SIN3A: variants seen among roughly 807,000 people sequenced by gnomAD.
SIN3A encodes paired amphipathic helix protein Sin3a.
Under a neutral mutation model 146.1 loss-of-function variants are expected in SIN3A, and 14 were observed. The observed-to-expected ratio is 0.10, with a 90% CI of 0.06 to 0.15. The LOEUF is 0.15. SIN3A is among the 10% of genes least tolerant of loss of function. SIN3A has a pLI of 1.00. For synonymous variants in SIN3A, 572 were observed against 572.0 expected, an observed-to-expected ratio of 1.00 and a Z score of 0.00; for missense variants, 1,028 against 1,576.0, an observed-to-expected ratio of 0.65 and a Z score of 5.89.
chr15:75,392,132 C>T, intron 15 of SIN3A, 110 bp downstream of exon 15: 2 of 977,754 alleles, frequency 2.0e-6, no homozygotes, highest in Non-Finnish European at 3.1e-6. Context: ...TTTAACTACA[C>T]AGACTCTAAT....
At chr15:75,398,794 G>A (rs982546425) in intron 12 of SIN3A, among the ~76,000 whole-genome samples, 1 of 152,044 alleles carries the variant, frequency 6.6e-6, no homozygotes, top group African/African-American at 2.4e-5. Flanking sequence ...ATGATCGCTT[G>A]GACCCAAGAG....
chr15:75,427,908 T>C (rs931335670), intron 2 of SIN3A, among the ~76,000 whole-genome samples: 4 of 150,364 alleles, frequency 2.7e-5, no homozygotes, highest in Non-Finnish European at 4.4e-5. Flanking sequence ...GAGGCAGAGG[T>C]TGCAGTGGGC....
chr15:75,428,089 CAG>C (rs938592901), intron 2 of SIN3A, among the ~76,000 whole-genome samples: 4 of 152,208 alleles, frequency 2.6e-5, no homozygotes, highest in Admixed American at 6.5e-5. Flanking sequence ...TTCTACAAAA[CAG>C]AGTAACAGAT....
At chr15:75,439,205 A>C (rs2074157473) in intron 1 of SIN3A, among the ~76,000 whole-genome samples, 1 of 152,224 alleles carries the variant, frequency 6.6e-6, no homozygotes, top group South Asian at 2.1e-4. Flanking sequence ...GATATCTCAC[A>C]GATAGAGTAA....
intron 13 of SIN3A, among the ~76,000 whole-genome samples, chr15:75,395,392 G>T (rs560666515): frequency 6.6e-6 from 1 of 152,162 alleles, no homozygotes; most frequent in African/African-American, 2.4e-5. Context: ...AATGCTACAG[G>T]CAAGAAGAAG....
intron 19 of SIN3A, among the ~76,000 whole-genome samples, chr15:75,379,984 A>G (rs148058663): frequency 2.2e-3 from 330 of 152,324 alleles, no homozygotes; most frequent in African/African-American, 7.1e-3. Context: ...CTTAACTCAT[A>G]TAAGTGTCTC....
At chr15:75,411,416 T>C (rs1382943697) in intron 6 of SIN3A, 76 bp downstream of exon 6, 25 of 1,401,846 alleles carry the variant, frequency 1.8e-5, no homozygotes, top group Non-Finnish European at 2.3e-5. Context: ...ATGGACACAA[T>C]AATGGTTACT....
chr15:75,418,191 C>G (rs922982941), intron 3 of SIN3A, among the ~76,000 whole-genome samples: 1 of 151,898 alleles, frequency 6.6e-6, no homozygotes, highest in Non-Finnish European at 1.5e-5. Context: ...GCCACCACGC[C>G]CAGCTAATTT....
chr15:75,412,685 T>C (rs1436095303), intron 5 of SIN3A, 78 bp downstream of exon 5: 1 of 1,363,310 alleles, frequency 7.3e-7, no homozygotes, highest in Non-Finnish European at 9.9e-7. Context: ...ATCTAAGTCT[T>C]ATATAAAGGG....
At chr15:75,410,847 C>G (rs962221042) in intron 6 of SIN3A, among the ~76,000 whole-genome samples, 15 of 145,520 alleles carry the variant, frequency 1.0e-4, no homozygotes, top group African/African-American at 3.8e-4. Context: ...ACCAGCCTGG[C>G]CAACATGTTG....
chr15:75,447,788 G>A (rs1443910433), intron 1 of SIN3A: 1 of 152,190 alleles, frequency 6.6e-6, no homozygotes, highest in Non-Finnish European at 1.5e-5. Flanking sequence ...CTGTCATGCT[G>A]AGAAATATGG....
intron 16 of SIN3A, among the ~76,000 whole-genome samples, chr15:75,389,284 C>T (rs1230476141): frequency 2.8e-5 from 4 of 143,730 alleles, no homozygotes; most frequent in Admixed American, 7.0e-5. Context: ...AAAACAGTGA[C>T]ACCCTGTCTC....
rs1451144934 is a variant in SIN3A at position 75,398,282 on chromosome 15, T to G, written c.1854+1758A>C. Among the ~76,000 whole-genome samples the G allele has an allele frequency of 2.6e-5, 4 of 152,348 alleles. No homozygotes were observed. The East Asian group carries it at 5.8e-4, about 22-fold the overall frequency. On this transcript the variant is annotated intron_variant, in intron 12 of 20. Coordinates refer to ENST00000394947, the MANE Select transcript of SIN3A (RefSeq NM_001145358.2). ...ACCAGACATATAAACACACTGAGGA[T>G]TGAGCCCACTTTCAGTAGTCCCTCT...
chr15:75,376,644 C>T (rs550431618), intron 19 of SIN3A, among the ~76,000 whole-genome samples: 1 of 151,660 alleles, frequency 6.6e-6, no homozygotes, highest in Non-Finnish European at 1.5e-5. Context: ...ATTGCTTGAG[C>T]TCAGGAGTTT....
chr15:75,442,152 A>AAAC (rs1567424385), intron 1 of SIN3A, among the ~76,000 whole-genome samples: 5 of 135,136 alleles, frequency 3.7e-5, no homozygotes, highest in Non-Finnish European at 6.4e-5. Context: ...AAAAAAAAAA[A>AAAC]ACTGATTTTT....
intron 1 of SIN3A, among the ~76,000 whole-genome samples, chr15:75,441,950 C>G (rs1458845054): frequency 6.6e-6 from 1 of 151,708 alleles, no homozygotes; most frequent in Non-Finnish European, 1.5e-5. Context: ...GAAACCCCAT[C>G]TGTACCAAAA....
At position 75,371,523 on chromosome 15, in the gene SIN3A, G is replaced by T. The variant is rs2072751420; in HGVS notation, c.*456C>A. 1 of 157,160 alleles carries T rather than the reference G, an allele frequency of 6.4e-6. No individual in the cohort carries two copies. Among genetic ancestry groups the T allele is most frequent in the Admixed American group, 6.5e-5 (1 of 15,390 alleles). 9.7% of individuals were successfully genotyped at this position (157,160 alleles called of 1,614,324 possible). On this transcript the variant is annotated 3_prime_UTR_variant, in exon 21 of 21. Coordinates refer to ENST00000394947, the MANE Select transcript of SIN3A (RefSeq NM_001145358.2). ...AGCTTTTTTTTCCTTTTGTGGGGAG[G>T]GGAGAGGAGCAGTGACCATGATAGT...
chr15:75,449,149 C>G (rs1383192443), intron 1 of SIN3A, among the ~76,000 whole-genome samples: 1 of 152,188 alleles, frequency 6.6e-6, no homozygotes, highest in Non-Finnish European at 1.5e-5. Flanking sequence ...CAATCGTTCT[C>G]CACTATCTCT....
rs773658379 is a variant in SIN3A at position 75,392,422 on chromosome 15, T to A, written c.2671A>T (p.Asn891Tyr). The change falls in exon 15 of 21, where the codon AAC becomes TAC. Residue 891 changes from asparagine to tyrosine, a missense_variant. This residue lies in a region of SIN3A where 488 missense variants were observed against 690.2 expected (regional missense o/e 0.71). Transcript: ENST00000394947. ...EVYNLFYVNNNWYIFMRLHQI... is the reference protein window; with the variant it reads ...EVYNLFYVNNYWYIFMRLHQI... ...TGCAGTCGCATAAAAATATACCAGT[T>A]GTTGTTGACATAGAAGAGGTTGTAT... 1.9e-6 allele frequency: 3 copies of A among 1,614,230 alleles called. No homozygotes were observed. In the East Asian group the frequency reaches 6.7e-5, roughly 36 times the overall value.
Sources: allele counts gnomAD v4.1 joint callset (sites outside exome capture counted in the v4.1 genomes callset), GRCh38; gene constraint gnomAD v4.1.1; regional missense constraint gnomAD v4.1.1; transcripts MANE v1.5; gene names NCBI Gene and HGNC (gene_info 2026-07-23, HGNC 2026-07-21).